Variants in MTMR2 observed in about 807,000 individuals in gnomAD.
MTMR2 encodes myotubularin related protein 2, also known as phosphatidylinositol-3,5-bisphosphate 3-phosphatase MTMR2.
A neutral mutation model predicts 86.9 loss-of-function variants in MTMR2; 55 were observed. The observed-to-expected ratio is 0.63, with a 90% CI of 0.51 to 0.79. The LOEUF is 0.79. Among genes scored for constraint, MTMR2 ranks in the 30% least tolerant of loss-of-function variants. The pLI is 0.00. For synonymous variants in MTMR2, 241 were observed against 266.8 expected, an observed-to-expected ratio of 0.90 and a Z score of 0.94; for missense variants, 659 against 772.3, an observed-to-expected ratio of 0.85 and a Z score of 1.74.
chr11:95,847,771 A>T lies in MTMR2; in HGVS notation c.1122T>A (p.Ile374=), dbSNP rs879248604. 11 of 1,613,690 alleles carry T rather than the reference A, an allele frequency of 6.8e-6. No individual in the cohort carries two copies. The South Asian group carries it at 9.9e-5, about 14-fold the overall frequency. The part of the protein sequence containing the change: ...RKLKEIVYPN[I]EETHWLSNLE... ...AGTTAGACAACCAGTGGGTTTCCTCAATGTTGGGGTACACAATCTCCTTAA... is the reference window on the plus strand; with the variant it reads ...AGTTAGACAACCAGTGGGTTTCCTCTATGTTGGGGTACACAATCTCCTTAA... The change falls in exon 10 of 15, where the codon ATT becomes ATA. Residue 374 remains isoleucine (I), a synonymous_variant. Coordinates refer to ENST00000346299, the MANE Select transcript of MTMR2 (RefSeq NM_016156.6).
At chr11:95,892,570 C>A (rs1337806193) in intron 1 of MTMR2, among the ~76,000 whole-genome samples, 5 of 152,162 alleles carry the variant, frequency 3.3e-5, no homozygotes, top group Admixed American at 3.3e-4. Flanking sequence ...TAACCGATAC[C>A]ATTTTGGTCC....
At chr11:95,914,172 T>A in intron 1 of MTMR2, 1 of 977,212 alleles carries the variant, frequency 1.0e-6, no homozygotes, top group Non-Finnish European at 1.2e-6. Context: ...GGATAATATA[T>A]AATCCAGAAA....
chr11:95,883,923 G>GT (rs918548775), intron 2 of MTMR2, among the ~76,000 whole-genome samples: 2 of 152,102 alleles, frequency 1.3e-5, no homozygotes, highest in African/African-American at 4.8e-5. Flanking sequence ...GCTTTTCAAT[G>GT]TATTATGTTC....
At chr11:95,903,823 C>A (rs892173654) in intron 1 of MTMR2, among the ~76,000 whole-genome samples, 2 of 152,214 alleles carry the variant, frequency 1.3e-5, no homozygotes, top group East Asian at 1.9e-4. Flanking sequence ...CCATTAAATA[C>A]CCCTCATTAG....
intron 1 of MTMR2, among the ~76,000 whole-genome samples, chr11:95,897,109 T>C (rs545921492): frequency 2.3e-4 from 35 of 152,102 alleles, no homozygotes; most frequent in Admixed American, 3.9e-4. Context: ...GATTAACTTT[T>C]TTGGTGGTCA....
At chr11:95,849,061 G>A (rs1863913318) in intron 9 of MTMR2, among the ~76,000 whole-genome samples, 1 of 152,072 alleles carries the variant, frequency 6.6e-6, no homozygotes, top group Non-Finnish European at 1.5e-5. Flanking sequence ...TTGAAAAGAT[G>A]AGCGCTTTTC....
At position 95,844,963 on chromosome 11, in the gene MTMR2, C is replaced by T. The variant is rs1023654455; in HGVS notation, c.1376G>A (p.Arg459Gln). 3.1e-6 allele frequency: 5 copies of T among 1,612,534 alleles called. No homozygotes were observed. Among genetic ancestry groups the T allele is most frequent in the Non-Finnish European group, 3.4e-6 (4 of 1,178,732 alleles). Residue 459 changes from arginine to glutamine, a missense_variant, in exon 11 of 15, where the codon CGA becomes CAA. Arg to Gln is a conservative substitution (Grantham distance 43). This residue lies in a region of MTMR2 where 387 missense variants were observed against 526.3 expected (regional missense o/e 0.74). Coordinates refer to ENST00000346299, the MANE Select transcript of MTMR2 (RefSeq NM_016156.6). ...VEKEWLSFGH[R>Q]FQLRVGHGDK... is the part of the protein sequence containing the mutation. ...AGGTTCCTTACTTACTAGTTGAAAT[C>T]GATGTCCAAAACTTAGCCATTCTTT...
chr11:95,846,094 CAA>C (rs1024646102), intron 10 of MTMR2, among the ~76,000 whole-genome samples: 2 of 152,080 alleles, frequency 1.3e-5, no homozygotes, highest in African/African-American at 2.4e-5. Flanking sequence ...GACTATATAT[CAA>C]GAGTCATTTG....
In MTMR2 at chr11:95,872,782, C is replaced by T. The variant is rs553279194; in HGVS notation, c.187-7106G>A. ...AGATAGCTCTTATTATTTTGAGATA[C>T]GTCCCATCAATACCTAATGTATTGA... On this transcript the variant is annotated intron_variant, in intron 2 of 14. Transcript: ENST00000346299. Among the ~76,000 whole-genome samples the T allele has an allele frequency of 4.1e-3, 623 of 152,224 alleles. 2 individuals are homozygous for T. The highest frequency in any genetic ancestry group is 0.024 in the Middle Eastern group (7 of 294).
At chr11:95,918,894 T>G (rs1866808031) in intron 1 of MTMR2, among the ~76,000 whole-genome samples, 1 of 152,168 alleles carries the variant, frequency 6.6e-6, no homozygotes, top group Non-Finnish European at 1.5e-5. Flanking sequence ...CAGAATACAG[T>G]GGCACTATCA....
chr11:95,867,945 A>G (rs1384787388), intron 2 of MTMR2, among the ~76,000 whole-genome samples: 3 of 152,308 alleles, frequency 2.0e-5, no homozygotes, highest in East Asian at 1.9e-4. Context: ...GGCACACTCA[A>G]AAGGAAATAA....
intron 1 of MTMR2, among the ~76,000 whole-genome samples, chr11:95,889,908 T>C (rs997620155): frequency 6.6e-6 from 1 of 152,218 alleles, no homozygotes; most frequent in Non-Finnish European, 1.5e-5. Context: ...ATATTAAAAG[T>C]CTTCCTTATA....
In MTMR2 at chr11:95,923,924, C is replaced by G; in HGVS notation, c.31G>C (p.Gly11Arg). Residue 11 changes from glycine to arginine, a missense_variant, in exon 1 of 15, where the codon GGC becomes CGC. By Grantham distance (125) the Gly-to-Arg change is moderately radical. Transcript: ENST00000346299. ...GGCCGAGCCGCCGCCGGCTGGGAGC[C>G]AAGACTCTCGCAGCTCGAGCTCTTC... is the stretch of plus-strand genomic sequence containing the variant. MEKSSSCESL[G>R]SQPAAARPPS... 6.4e-7 allele frequency: 1 copy of G among 1,561,632 alleles called. No homozygotes were observed.
At chr11:95,836,543 T>C (rs1863295805) in intron 13 of MTMR2, among the ~76,000 whole-genome samples, 1 of 151,966 alleles carries the variant, frequency 6.6e-6, no homozygotes, top group African/African-American at 2.4e-5. Flanking sequence ...ATTCCACTCT[T>C]GTACATATCC....
At chr11:95,901,710 C>G (rs1007585517) in intron 1 of MTMR2, among the ~76,000 whole-genome samples, 1 of 152,060 alleles carries the variant, frequency 6.6e-6, no homozygotes, top group Non-Finnish European at 1.5e-5. Context: ...AACTGGGGAG[C>G]TATAACACAA....
intron 1 of MTMR2, among the ~76,000 whole-genome samples, chr11:95,896,680 C>T (rs1039526035): frequency 2.8e-4 from 42 of 151,928 alleles, no homozygotes; most frequent in African/African-American, 1.0e-3. Context: ...CAGAGGCCAT[C>T]ACTAGAACAT....
chr11:95,910,942 T>C (rs781202980), intron 1 of MTMR2, among the ~76,000 whole-genome samples: 8 of 152,130 alleles, frequency 5.3e-5, no homozygotes, highest in African/African-American at 9.7e-5. Flanking sequence ...AAAGACTTAT[T>C]GTCAGAATAT....
intron 5 of MTMR2, among the ~76,000 whole-genome samples, chr11:95,861,403 T>TTATTA (rs1864416885): frequency 1.1e-4 from 1 of 8,960 alleles, no homozygotes. Context: ...TTAAAGATGG[T>TTATTA]TATTATTATT....
At chr11:95,846,455 A>G (rs1435820778) in intron 10 of MTMR2, among the ~76,000 whole-genome samples, 1 of 152,176 alleles carries the variant, frequency 6.6e-6, no homozygotes, top group Non-Finnish European at 1.5e-5. Context: ...AAAACGCTCC[A>G]TAGAAGTTAT....
Sources: gnomAD v4.1 joint callset for allele counts (sites outside exome capture counted in the v4.1 genomes callset) on GRCh38, gnomAD v4.1.1 for gene constraint, gnomAD v4.1.1 regional missense constraint, MANE v1.5 for transcripts, NCBI Gene and HGNC (gene_info 2026-07-23, HGNC 2026-07-21) for gene names.